YIPF4: variants seen among roughly 807,000 people sequenced by gnomAD.
YIPF4 encodes the protein Yip1 domain family member 4.
Under a neutral mutation model 29.4 loss-of-function variants are expected in YIPF4, and 18 were observed. The observed-to-expected ratio is 0.61, with a 90% CI of 0.42 to 0.91. The LOEUF (loss-of-function observed/expected upper bound fraction) is 0.91. Ranked by LOEUF, YIPF4 falls within the 40% of genes least tolerant of loss-of-function variation. The probability of loss-of-function intolerance (pLI) is 0.00; values close to 1 mark genes in which losing one functional copy is unlikely to be tolerated. For synonymous variants in YIPF4, 115 were observed against 104.7 expected, an observed-to-expected ratio of 1.10 and a Z score of -0.60; for missense variants, 279 against 282.7, an observed-to-expected ratio of 0.99 and a Z score of 0.09.
rs145398795 is a variant in YIPF4 at position 32,303,170 on chromosome 2, A to G, written c.597+1675A>G. On this transcript the variant is annotated intron_variant, in intron 5 of 5. Transcript: ENST00000238831. ...ACTTGAGCTCAGGAGTTTGAAATCA[A>G]TCAGCCTGGGCAACGTGGCGAAACT... is the stretch of plus-strand genomic sequence containing the variant. Among the ~76,000 whole-genome samples, 37 of 152,238 alleles carry G rather than the reference A, an allele frequency of 2.4e-4. No individual in the cohort carries two copies. In the East Asian group the frequency reaches 6.2e-3, roughly 26 times the overall value.
At chr2:32,297,954 G>T (rs1042921310) in intron 3 of YIPF4, among the ~76,000 whole-genome samples, 2 of 149,716 alleles carry the variant, frequency 1.3e-5, no homozygotes, top group Non-Finnish European at 3.0e-5. Context: ...GGGGTTGATA[G>T]TAAACACTTT....
In YIPF4 at chr2:32,306,491, G is replaced by A. The variant is rs908388485; in HGVS notation, c.*865G>A. 1.4e-4 allele frequency: 140 copies of A among 984,182 alleles called. No individual in the cohort carries two copies. The African/African-American group carries it at 2.2e-3, about 16-fold the overall frequency. 61.0% of individuals were successfully genotyped at this position (984,182 alleles called of 1,614,324 possible). ...TAAGTGGTACTTCTAAATCATAAAA[G>A]TTGGGGAAAGAGACCTTTAAAATCT... On this transcript the variant is annotated 3_prime_UTR_variant, in exon 6 of 6. Transcript: ENST00000238831.
rs949404308 is a variant in YIPF4 at position 32,305,944 on chromosome 2, T to C, written c.*318T>C. ...TGCCAAAAGCACCTGGATTGGTAAT[T>C]ATATTTCACTTAAAGGGTAAATTTG... On this transcript the variant is annotated 3_prime_UTR_variant, in exon 6 of 6. Transcript: ENST00000238831. 5 of 1,001,750 alleles carry C rather than the reference T, an allele frequency of 5.0e-6. No individual in the cohort carries two copies. Among genetic ancestry groups the C allele is most frequent in the Middle Eastern group, 5.0e-4 (1 of 2,000 alleles). 62.1% of individuals were successfully genotyped at this position (1,001,750 alleles called of 1,614,324 possible).
chr2:32,278,302 T>C, intron 1 of YIPF4, 68 bp downstream of exon 1: 2 of 1,456,190 alleles, frequency 1.4e-6, no homozygotes, highest in Non-Finnish European at 1.8e-6. Flanking sequence ...AGGGTCTTTC[T>C]GGTGCCGAGG....
At chr2:32,288,607 C>T (rs189007020) in intron 1 of YIPF4, among the ~76,000 whole-genome samples, 2 of 152,170 alleles carry the variant, frequency 1.3e-5, no homozygotes, top group Admixed American at 6.5e-5. Flanking sequence ...GTCAGGAGTT[C>T]GAGACCAGCC....
At chr2:32,300,499 A>G (rs759952189) in intron 4 of YIPF4, among the ~76,000 whole-genome samples, 4 of 151,874 alleles carry the variant, frequency 2.6e-5, no homozygotes, top group African/African-American at 9.7e-5. Context: ...GAAGTGAATG[A>G]TATTAGAATA....
chr2:32,290,676 C>G (rs963724467), intron 2 of YIPF4, 40 bp downstream of exon 2: 5 of 1,302,772 alleles, frequency 3.8e-6, no homozygotes, highest in Non-Finnish European at 4.0e-6. Context: ...GTTTTTTGAG[C>G]TAGTCTGTGG....
At chr2:32,285,771 T>G (rs1429017200) in intron 1 of YIPF4, among the ~76,000 whole-genome samples, 4 of 151,560 alleles carry the variant, frequency 2.6e-5, no homozygotes, top group Admixed American at 6.6e-5. Flanking sequence ...TTCTCCTGCC[T>G]CAGCCTCCCA....
chr2:32,286,485 A>G (rs144055798), intron 1 of YIPF4, among the ~76,000 whole-genome samples: 315 of 152,356 alleles, frequency 2.1e-3, no homozygotes, highest in African/African-American at 7.1e-3. Flanking sequence ...TACTAAAACC[A>G]TAAACCAGAA....
At chr2:32,298,064 C>T (rs1361111167) in intron 3 of YIPF4, among the ~76,000 whole-genome samples, 170 bp from the exon 4 acceptor site, 1 of 152,032 alleles carries the variant, frequency 6.6e-6, no homozygotes, top group African/African-American at 2.4e-5. Context: ...AATTGTATTA[C>T]ACATTGTATT....
At chr2:32,293,885 C>T (rs557151770) in intron 3 of YIPF4, among the ~76,000 whole-genome samples, 3,516 of 131,918 alleles carry the variant, frequency 0.027, 51 homozygotes, top group African/African-American at 0.074. Context: ...GCTGGCCGGG[C>T]GGGGGGCTGA....
intron 4 of YIPF4, 63 bp from the exon 5 acceptor site, chr2:32,301,319 A>G: frequency 9.3e-7 from 1 of 1,075,096 alleles, no homozygotes; most frequent in Non-Finnish European, 1.4e-6. Flanking sequence ...ATGGTGTTCA[A>G]TTTTGATTAA....
chr2:32,283,837 C>A (rs1387038466), intron 1 of YIPF4, among the ~76,000 whole-genome samples: 1 of 151,844 alleles, frequency 6.6e-6, no homozygotes, highest in East Asian at 1.9e-4. Flanking sequence ...CCTGCCTCAG[C>A]CTCCCAAGTA....
intron 2 of YIPF4, among the ~76,000 whole-genome samples, chr2:32,291,459 G>A (rs1035633376): frequency 3.3e-5 from 5 of 152,162 alleles, no homozygotes; most frequent in African/African-American, 1.2e-4. Context: ...CATGAGAATC[G>A]CTTGAACCCA....
intron 3 of YIPF4, among the ~76,000 whole-genome samples, chr2:32,293,402 TG>T (rs1383312153): frequency 1.3e-5 from 2 of 152,216 alleles, no homozygotes; most frequent in Admixed American, 1.3e-4. Flanking sequence ...AGCACAGGTT[TG>T]GGGGTAAGGT....
chr2:32,302,685 T>TA (rs1453882395), intron 5 of YIPF4, among the ~76,000 whole-genome samples: 2 of 152,234 alleles, frequency 1.3e-5, no homozygotes, highest in East Asian at 3.8e-4. Flanking sequence ...CTTTGACACA[T>TA]ATATGTATAT....
In YIPF4 at chr2:32,313,211, G is replaced by T. The variant is rs1343792622; in HGVS notation, c.*7585G>T. On this transcript the variant is annotated 3_prime_UTR_variant, in exon 6 of 6. Coordinates refer to ENST00000238831, the MANE Select transcript of YIPF4 (RefSeq NM_032312.4). ...AAATAAAAGTTAACTAGGCAAAGAA[G>T]GTAGGGAAGACTCTTTCAGATAGAA... The T allele has an allele frequency of 7.9e-5, 12 of 152,098 alleles. No individual in the cohort carries two copies. Among genetic ancestry groups the T allele is most frequent in the Non-Finnish European group, 1.8e-4 (12 of 68,024 alleles). The allele number at this position is 152,098 out of a possible 1,614,324, so 9.4% of individuals were successfully genotyped here. A position where few individuals can be genotyped will look rare whatever the true frequency, so the allele number is the denominator to read the frequency against.
chr2:32,311,483 T>C lies in YIPF4; in HGVS notation c.*5857T>C, dbSNP rs1245312316. ...AGTATCTTGGTTTCAACTTTTCTATTTTCAGCAAGATATTTGCAAGTTTTT... is the reference window on the plus strand; with the variant it reads ...AGTATCTTGGTTTCAACTTTTCTATCTTCAGCAAGATATTTGCAAGTTTTT... On this transcript the variant is annotated 3_prime_UTR_variant, in exon 6 of 6. Coordinates refer to ENST00000238831, the MANE Select transcript of YIPF4 (RefSeq NM_032312.4). 1 of 152,242 alleles carries C rather than the reference T, an allele frequency of 6.6e-6. No homozygotes were observed. The highest frequency in any genetic ancestry group is 1.5e-5 in the Non-Finnish European group (1 of 68,038). 9.4% of individuals were successfully genotyped at this position (152,242 alleles called of 1,614,324 possible).
At position 32,309,568 on chromosome 2, in the gene YIPF4, T is replaced by G. The variant is rs963537959; in HGVS notation, c.*3942T>G. 6.6e-6 allele frequency: 1 copy of G among 152,206 alleles called. No homozygotes were observed. The highest frequency in any genetic ancestry group is 1.5e-5 in the Non-Finnish European group (1 of 68,042). 9.4% of individuals were successfully genotyped at this position (152,206 alleles called of 1,614,324 possible). On this transcript the variant is annotated 3_prime_UTR_variant, in exon 6 of 6. Transcript: ENST00000238831. ...AACAAAATGTTGAATGAAATAATGC[T>G]TCTACAACTTAAAATTATTTTTCAT...
Sources: gnomAD v4.1 joint callset for allele counts (sites outside exome capture counted in the v4.1 genomes callset) on GRCh38, gnomAD v4.1.1 for gene constraint, MANE v1.5 for transcripts, NCBI Gene and HGNC (gene_info 2026-07-23, HGNC 2026-07-21) for gene names.